The following FHL2 variants were observed in gnomAD, a reference collection of about 807,000 sequenced individuals.
The protein encoded by FHL2 is four and a half LIM domains 2, also known as four and a half LIM domains protein 2.
A neutral mutation model predicts 32.7 loss-of-function variants in FHL2; 20 were observed. The observed-to-expected ratio is 0.61, with a 90% CI of 0.43 to 0.89. FHL2 has a LOEUF of 0.89. Ranked by LOEUF, FHL2 falls within the 40% of genes least tolerant of loss-of-function variation. The pLI is 0.00. For synonymous variants in FHL2, 123 were observed against 128.1 expected, an observed-to-expected ratio of 0.96 and a Z score of 0.27; for missense variants, 311 against 358.6, an observed-to-expected ratio of 0.87 and a Z score of 1.07.
At chr2:105,428,236 G>A (rs763040565) in intron 1 of FHL2, among the ~76,000 whole-genome samples, 9 of 152,276 alleles carry the variant, frequency 5.9e-5, no homozygotes, top group South Asian at 4.1e-4. Flanking sequence ...GGAGGTATGC[G>A]TATATGTGTA....
At chr2:105,396,729 G>T (rs766484239) in intron 1 of FHL2, 32 bp from the exon 2 acceptor site, 7 of 1,608,678 alleles carry the variant, frequency 4.4e-6, no homozygotes, top group Non-Finnish European at 5.9e-6. Context: ...TGTTTCAGAT[G>T]GTCATCTTGA....
At chr2:105,399,587 T>C, upstream of FHL2, 1 of 1,534,978 alleles carries the variant, frequency 6.5e-7, no homozygotes, top group South Asian at 1.2e-5. Flanking sequence ...TAAAGGAAGG[T>C]CCTATCCCCA....
intron 1 of FHL2, among the ~76,000 whole-genome samples, chr2:105,410,843 G>C (rs996234137): frequency 2.0e-5 from 3 of 152,202 alleles, no homozygotes; most frequent in Admixed American, 2.0e-4. Context: ...AGTTAGCAGT[G>C]CTGGACCTTG....
At chr2:105,388,092 TG>T (rs898154430) in intron 2 of FHL2, among the ~76,000 whole-genome samples, 1 of 152,006 alleles carries the variant, frequency 6.6e-6, no homozygotes, top group African/African-American at 2.4e-5. Flanking sequence ...CAACAGACGC[TG>T]GGGTCTACTT....
At chr2:105,381,991 T>G (rs1338529932) in intron 3 of FHL2, among the ~76,000 whole-genome samples, 1 of 152,156 alleles carries the variant, frequency 6.6e-6, no homozygotes, top group East Asian at 1.9e-4. Flanking sequence ...GTCAGAAACC[T>G]TCCAAAATAT....
intron 1 of FHL2, among the ~76,000 whole-genome samples, chr2:105,430,550 C>T (rs530698998): frequency 1.4e-4 from 22 of 152,244 alleles, no homozygotes; most frequent in Admixed American, 9.2e-4. Flanking sequence ...CACCTGTAGT[C>T]CAAGCTACTC....
At chr2:105,425,844 C>G (rs1684248549) in intron 1 of FHL2, among the ~76,000 whole-genome samples, 1 of 152,082 alleles carries the variant, frequency 6.6e-6, no homozygotes, top group Non-Finnish European at 1.5e-5. Context: ...CTACTACATT[C>G]CTTTTTGCTG....
chr2:105,390,375 A>G (rs1333930109), intron 2 of FHL2: 1 of 152,460 alleles, frequency 6.6e-6, no homozygotes. Context: ...CAGTGATACC[A>G]GCTCCCAGCA....
chr2:105,433,339 C>A (rs1198465475), intron 1 of FHL2, among the ~76,000 whole-genome samples: 1 of 152,014 alleles, frequency 6.6e-6, no homozygotes, highest in Non-Finnish European at 1.5e-5. Flanking sequence ...CTCCACCATG[C>A]CCAGCTAATT....
chr2:105,386,369 C>T lies in FHL2; in HGVS notation c.148G>A (p.Asp50Asn). 6.2e-7 allele frequency: 1 copy of T among 1,613,874 alleles called. No individual in the cohort carries two copies. The highest frequency in any genetic ancestry group is 8.5e-7 in the Non-Finnish European group (1 of 1,179,936). ...CEECGKPIGC[D>N]CKDLSYKDRH... is the part of the protein sequence containing the mutation. ...AGGCCCGCAGCAGGTACCTTGCAGT[C>T]ACAGCCGATGGGCTTCCCACACTCC... The change falls in exon 3 of 7, where the codon GAC becomes AAC. Residue 50 changes from aspartate (D) to asparagine (N), a missense_variant. Transcript: ENST00000530340.
At chr2:105,364,753 C>T (rs1208158445) in intron 5 of FHL2, among the ~76,000 whole-genome samples, 1 of 152,140 alleles carries the variant, frequency 6.6e-6, no homozygotes, top group South Asian at 2.1e-4. Flanking sequence ...TTGGTCTTTA[C>T]ATAAAGCTTG....
At chr2:105,389,304 G>C (rs1682552300) in intron 2 of FHL2, among the ~76,000 whole-genome samples, 1 of 152,208 alleles carries the variant, frequency 6.6e-6, no homozygotes, top group African/African-American at 2.4e-5. Context: ...TCGAGTTGGA[G>C]CAGCCATGCT....
upstream of FHL2, among the ~76,000 whole-genome samples, chr2:105,401,609 G>T (rs528860036): frequency 3.2e-4 from 48 of 151,922 alleles, no homozygotes; most frequent in African/African-American, 9.6e-4. Flanking sequence ...AGAATTGTTT[G>T]TAATAGAAAA....
At chr2:105,435,628 C>T (rs536736380) in intron 1 of FHL2, among the ~76,000 whole-genome samples, 109 of 143,880 alleles carry the variant, frequency 7.6e-4, no homozygotes, top group African/African-American at 2.9e-3. Flanking sequence ...TCATGACCAG[C>T]CTGGCCAACA....
intron 1 of FHL2, among the ~76,000 whole-genome samples, chr2:105,417,253 G>A (rs531974131): frequency 8.4e-4 from 128 of 151,996 alleles, no homozygotes; most frequent in African/African-American, 2.3e-3. Flanking sequence ...ATGGTGGCAC[G>A]TGCCTGTAAT....
chr2:105,421,205 G>T (rs1195868244), intron 1 of FHL2, among the ~76,000 whole-genome samples: 1 of 152,210 alleles, frequency 6.6e-6, no homozygotes, highest in Non-Finnish European at 1.5e-5. Context: ...GTTCTCTCTG[G>T]CTTGTAAGGA....
Position 105,428,522 on chromosome 2 carries a change from T to C in FHL2, c.-25+9877A>G, listed in dbSNP as rs376872835. On this transcript the variant is annotated intron_variant, in intron 1 of 5. Coordinates refer to the FHL2 transcript ENST00000393352. Reference sequence around the variant, plus strand: ...CATCCCTGAGAGGTTGGGCTCCTCATAGGCCGCCAGCCTGACTCGGAGGAC... The same window carrying C: ...CATCCCTGAGAGGTTGGGCTCCTCACAGGCCGCCAGCCTGACTCGGAGGAC... Among the ~76,000 whole-genome samples the C allele has an allele frequency of 7.9e-5, 12 of 152,362 alleles. No individual in the cohort carries two copies. The East Asian group carries it at 1.9e-3, about 24-fold the overall frequency.
chr2:105,397,698 C>A (rs894244286), intron 1 of FHL2, among the ~76,000 whole-genome samples: 5 of 152,158 alleles, frequency 3.3e-5, no homozygotes, highest in African/African-American at 1.2e-4. Context: ...CGTGGAAACA[C>A]AATTCTGTGT....
chr2:105,426,069 A>C (rs1684258000), intron 1 of FHL2, among the ~76,000 whole-genome samples: 2 of 152,072 alleles, frequency 1.3e-5, no homozygotes, highest in African/African-American at 4.8e-5. Flanking sequence ...TATAATATAG[A>C]TGTATTTGGT....
Sources: gnomAD v4.1 joint callset for allele counts (sites outside exome capture counted in the v4.1 genomes callset) on GRCh38, gnomAD v4.1.1 for gene constraint, MANE v1.5 for transcripts, NCBI Gene and HGNC (gene_info 2026-07-23, HGNC 2026-07-21) for gene names.